SDK1: variants seen among roughly 807,000 people sequenced by gnomAD.
SDK1 encodes protein sidekick-1.
In SDK1, 157 loss-of-function variants were observed where a neutral mutation model predicts 245.5. The observed-to-expected ratio is 0.64, with a 90% confidence interval of 0.56 to 0.73. The LOEUF (loss-of-function observed/expected upper bound fraction) is 0.73, where lower values mean the gene tolerates loss of function less well. Ranked by LOEUF, SDK1 falls within the 30% of genes least tolerant of loss-of-function variation. SDK1 has a pLI of 0.00. For missense variants in SDK1, 3,583 were observed against 3,002.3 expected (o/e 1.19, Z -4.52); for synonymous variants, 1,647 against 1,278.5 (o/e 1.29, Z -6.15).
intron 4 of SDK1, among the ~76,000 whole-genome samples, chr7:3,671,110 C>T (rs879278611): frequency 6.6e-6 from 1 of 152,116 alleles, no homozygotes; most frequent in Non-Finnish European, 1.5e-5. Context: ...CTTGCCTTAC[C>T]CCTGAGTTTT....
intron 4 of SDK1, among the ~76,000 whole-genome samples, chr7:3,800,370 C>CTTAT (rs923376278): frequency 0.011 from 1,648 of 148,980 alleles, 22 homozygotes; most frequent in African/African-American, 0.029. Context: ...TACTTACTTA[C>CTTAT]TTATTTATTT....
At chr7:3,774,065 A>T (rs1287668577) in intron 4 of SDK1, among the ~76,000 whole-genome samples, 1 of 152,086 alleles carries the variant, frequency 6.6e-6, no homozygotes, top group Non-Finnish European at 1.5e-5. Context: ...ATACAAAAAA[A>T]TTAGCCAGGC....
intron 1 of SDK1, among the ~76,000 whole-genome samples, chr7:3,470,461 C>G (rs1781147237): frequency 2.0e-5 from 3 of 152,042 alleles, no homozygotes; most frequent in Admixed American, 2.0e-4. Flanking sequence ...ACTATTTTGA[C>G]CTTTTAAAGA....
intron 5 of SDK1, among the ~76,000 whole-genome samples, chr7:3,870,208 T>A (rs1297102944): frequency 2.0e-5 from 3 of 152,222 alleles, no homozygotes; most frequent in African/African-American, 7.2e-5. Flanking sequence ...GGGGCCATAG[T>A]TTCCATGGAT....
chr7:3,456,569 A>G (rs538110875), intron 1 of SDK1, among the ~76,000 whole-genome samples: 31 of 152,340 alleles, frequency 2.0e-4, no homozygotes, highest in Non-Finnish European at 4.0e-4. Flanking sequence ...GTTTTTAAAA[A>G]AATAACTTCT....
intron 19 of SDK1, among the ~76,000 whole-genome samples, chr7:4,064,321 T>C (rs1191945789): frequency 4.6e-5 from 7 of 151,988 alleles, no homozygotes; most frequent in African/African-American, 1.7e-4. Context: ...TATGAAAAAA[T>C]GCCCAGTATC....
chr7:4,057,131 C>T (rs994854881), intron 19 of SDK1, among the ~76,000 whole-genome samples: 3 of 152,218 alleles, frequency 2.0e-5, no homozygotes, highest in South Asian at 2.1e-4. Context: ...GCAGCAGGGC[C>T]GCAGTGCAGC....
intron 4 of SDK1, among the ~76,000 whole-genome samples, chr7:3,685,911 G>T (rs1784268607): frequency 6.6e-6 from 1 of 151,934 alleles, no homozygotes; most frequent in Non-Finnish European, 1.5e-5. Flanking sequence ...CAATAATTAT[G>T]TTAAATGTAA....
At chr7:4,030,387 A>G (rs1787708077) in intron 17 of SDK1, among the ~76,000 whole-genome samples, 1 of 152,236 alleles carries the variant, frequency 6.6e-6, no homozygotes, top group South Asian at 2.1e-4. Flanking sequence ...AGCATAAGGG[A>G]AATCCTCCTT....
chr7:3,935,484 T>C (rs961233244), intron 5 of SDK1, among the ~76,000 whole-genome samples: 1 of 152,040 alleles, frequency 6.6e-6, no homozygotes, highest in Admixed American at 6.5e-5. Context: ...ACATATATAA[T>C]AAGGGATTAA....
At chr7:4,054,661 T>C (rs1779093104) in intron 19 of SDK1, among the ~76,000 whole-genome samples, 1 of 152,230 alleles carries the variant, frequency 6.6e-6, no homozygotes. Context: ...TCTAGTACTA[T>C]GCTGAATAAG....
intron 4 of SDK1, among the ~76,000 whole-genome samples, chr7:3,775,060 C>T (rs1488151482): frequency 6.6e-6 from 1 of 152,150 alleles, no homozygotes; most frequent in African/African-American, 2.4e-5. Flanking sequence ...TTTGAGAGCC[C>T]TGTTTGTGTT....
intron 29 of SDK1, among the ~76,000 whole-genome samples, 185 bp downstream of exon 29, chr7:4,146,101 A>ATTGCATTC (rs1463408619): frequency 6.6e-6 from 1 of 152,226 alleles, no homozygotes; most frequent in East Asian, 1.9e-4. Context: ...ATCAAACAGC[A>ATTGCATTC]TTGCATTCAC....
chr7:3,356,244 C>T (rs900534521), intron 1 of SDK1, among the ~76,000 whole-genome samples: 1 of 152,004 alleles, frequency 6.6e-6, no homozygotes, highest in African/African-American at 2.4e-5. Flanking sequence ...TTAGATTTGA[C>T]CTCTTTTTTG....
At chr7:3,391,375 G>A (rs975482604) in intron 1 of SDK1, among the ~76,000 whole-genome samples, 31 of 152,088 alleles carry the variant, frequency 2.0e-4, no homozygotes, top group African/African-American at 7.5e-4. Flanking sequence ...AATGTAAGCA[G>A]TTTCTTCTAG....
chr7:3,717,932 A>T (rs1785248751), intron 4 of SDK1, among the ~76,000 whole-genome samples: 1 of 151,858 alleles, frequency 6.6e-6, no homozygotes, highest in Non-Finnish European at 1.5e-5. Context: ...TATTATTCTG[A>T]TACCTGGAAC....
intron 17 of SDK1, among the ~76,000 whole-genome samples, chr7:4,035,997 T>C (rs1278957874): frequency 6.6e-6 from 1 of 152,214 alleles, no homozygotes; most frequent in African/African-American, 2.4e-5. Context: ...AAGTCAAAAA[T>C]CTCTTTTAAG....
chr7:4,132,132 A>G (rs1784868733), intron 27 of SDK1, among the ~76,000 whole-genome samples, 193 bp from the exon 28 acceptor site: 1 of 152,174 alleles, frequency 6.6e-6, no homozygotes, highest in Non-Finnish European at 1.5e-5. Context: ...TGTTTGCTCA[A>G]GATCCTTAGG....
At chr7:3,867,177 A>T (rs1380313420) in intron 5 of SDK1, among the ~76,000 whole-genome samples, 1 of 152,230 alleles carries the variant, frequency 6.6e-6, no homozygotes, top group Non-Finnish European at 1.5e-5. Flanking sequence ...GATTGAAGTG[A>T]AATTAAAATT....
Sources: gnomAD v4.1 joint callset for allele counts (sites outside exome capture counted in the v4.1 genomes callset) on GRCh38, gnomAD v4.1.1 for gene constraint, MANE v1.5 for transcripts, NCBI Gene and HGNC (gene_info 2026-07-23, HGNC 2026-07-21) for gene names.